RAPGEF2: variants seen among roughly 807,000 people sequenced by gnomAD.
RAPGEF2 encodes Rap guanine nucleotide exchange factor 2, also known as PDZ domain containing guanine nucleotide exchange factor (GEF) 1.
In RAPGEF2, 54 loss-of-function variants were observed where a neutral mutation model predicts 186.7. That is an observed-to-expected ratio of 0.29 (90% CI 0.23 to 0.36). RAPGEF2 has a LOEUF of 0.36. Ranked by LOEUF, RAPGEF2 falls within the 10% of genes least tolerant of loss-of-function variation. The pLI is 1.00. For synonymous variants in RAPGEF2, 712 were observed against 705.9 expected, an observed-to-expected ratio of 1.01 and a Z score of -0.14; for missense variants, 1,532 against 2,045.0, an observed-to-expected ratio of 0.75 and a Z score of 4.84.
intron 7 of RAPGEF2, among the ~76,000 whole-genome samples, chr4:159,253,518 TTA>T (rs1317321229): frequency 6.6e-6 from 1 of 152,252 alleles, no homozygotes; most frequent in Non-Finnish European, 1.5e-5. Flanking sequence ...CAAAATTCTT[TTA>T]GTTGAAACTT....
intron 7 of RAPGEF2, among the ~76,000 whole-genome samples, chr4:159,284,069 G>GA (rs1760098119): frequency 6.6e-6 from 1 of 152,140 alleles, no homozygotes; most frequent in Admixed American, 6.5e-5. Context: ...TTTAATTTAA[G>GA]AAAAATGACC....
At chr4:159,135,721 TCCTG>T (rs1741647659) in intron 1 of RAPGEF2, among the ~76,000 whole-genome samples, 2 of 152,150 alleles carry the variant, frequency 1.3e-5, no homozygotes, top group Non-Finnish European at 2.9e-5. Context: ...AGCCTCAGCC[TCCTG>T]AGTAGCTGGG....
intron 8 of RAPGEF2, among the ~76,000 whole-genome samples, chr4:159,306,800 G>A (rs1763354529): frequency 6.6e-6 from 1 of 152,128 alleles, no homozygotes; most frequent in Non-Finnish European, 1.5e-5. Context: ...CATACTGAGT[G>A]TGACAAAAGG....
At chr4:159,223,139 A>AT (rs1037772159) in intron 4 of RAPGEF2, among the ~76,000 whole-genome samples, 8 of 149,322 alleles carry the variant, frequency 5.4e-5, no homozygotes, top group Admixed American at 6.6e-5. Context: ...ATCTGCAGTT[A>AT]TTTTTTATTA....
intron 7 of RAPGEF2, among the ~76,000 whole-genome samples, chr4:159,273,641 T>TTTCTTTCTTC (rs1758418445): frequency 9.2e-6 from 1 of 109,198 alleles, no homozygotes; most frequent in African/African-American, 3.7e-5. Context: ...TTTCTTTCTT[T>TTTCTTTCTTC]CTTTCTTTCT....
At chr4:159,188,709 A>G (rs993254862) in intron 2 of RAPGEF2, among the ~76,000 whole-genome samples, 2 of 152,010 alleles carry the variant, frequency 1.3e-5, no homozygotes, top group African/African-American at 4.8e-5. Context: ...GTATAAAAAT[A>G]CTAATGAAGT....
chr4:159,237,040 AG>A (rs1753348778), intron 4 of RAPGEF2, among the ~76,000 whole-genome samples: 1 of 152,180 alleles, frequency 6.6e-6, no homozygotes, highest in South Asian at 2.1e-4. Context: ...CTTCTTTTCA[AG>A]ACAGGGTTTT....
chr4:159,321,595 G>A (rs929196351), intron 9 of RAPGEF2, among the ~76,000 whole-genome samples: 9 of 152,154 alleles, frequency 5.9e-5, no homozygotes, highest in Non-Finnish European at 1.3e-4. Context: ...ACAGAGCCAT[G>A]GTGAGGAGTA....
chr4:159,154,528 C>A (rs73860451), intron 1 of RAPGEF2, among the ~76,000 whole-genome samples: 3,625 of 135,666 alleles, frequency 0.027, 153 homozygotes, highest in African/African-American at 0.093. Context: ...TTAAAAAAAA[C>A]AACCACCAAA....
chr4:159,355,844 C>A lies in RAPGEF2; in HGVS notation c.4652-9C>A, dbSNP rs1200950642. 6.5e-7 allele frequency: 1 copy of A among 1,538,062 alleles called. No individual in the cohort carries two copies. Among genetic ancestry groups the A allele is most frequent in the Non-Finnish European group, 8.8e-7 (1 of 1,138,186 alleles). ...AGTTTTTAATGCTGGTGCATTGTTTCTACTCTAGCACGAAAGGAGGGCAGG... is the reference window on the plus strand; with the variant it reads ...AGTTTTTAATGCTGGTGCATTGTTTATACTCTAGCACGAAAGGAGGGCAGG... On this transcript the variant is annotated splice_polypyrimidine_tract_variant and intron_variant, in intron 28 of 29. Transcript: ENST00000691494.
intron 1 of RAPGEF2, among the ~76,000 whole-genome samples, chr4:159,175,110 G>A (rs1049110996): frequency 6.6e-6 from 1 of 152,106 alleles, no homozygotes; most frequent in Admixed American, 6.5e-5. Flanking sequence ...AGAAATATAC[G>A]AGGGCCTTAT....
intron 7 of RAPGEF2, among the ~76,000 whole-genome samples, chr4:159,278,049 G>A (rs1366226522): frequency 6.6e-6 from 1 of 152,128 alleles, no homozygotes; most frequent in African/African-American, 2.4e-5. Flanking sequence ...TATTGCCTAG[G>A]TTTTCTTCTA....
intron 7 of RAPGEF2, chr4:159,268,206 G>A (rs1002501159): frequency 1.3e-6 from 2 of 1,596,562 alleles, no homozygotes; most frequent in African/African-American, 2.7e-5. Flanking sequence ...GCCAGCAGGA[G>A]AAACACTCAG....
At position 159,322,481 on chromosome 4, in the gene RAPGEF2, G is replaced by A; in HGVS notation, c.988G>A (p.Glu330Lys). ...AGTIVLNDGE[E>K]LDSWSVILNG... ...GACCATAGTGTTAAATGATGGTGAA[G>A]AGGTGAGTAACTATTCCTACCACTT... is the stretch of plus-strand genomic sequence containing the variant. The change falls in exon 10 of 30, where the codon GAG becomes AAG. Residue 330 changes from glutamate (E) to lysine (K), a missense_variant and splice_region_variant. Glu to Lys is a moderately conservative substitution (Grantham distance 56). Coordinates refer to ENST00000691494, the MANE Select transcript of RAPGEF2 (RefSeq NM_001394067.2). 1 of 1,613,218 alleles carries A rather than the reference G, an allele frequency of 6.2e-7. No homozygotes were observed. Among genetic ancestry groups the A allele is most frequent in the Non-Finnish European group, 8.5e-7 (1 of 1,179,388 alleles).
intron 7 of RAPGEF2, among the ~76,000 whole-genome samples, chr4:159,251,449 CA>C (rs1204509476): frequency 2.0e-5 from 3 of 152,252 alleles, no homozygotes; most frequent in African/African-American, 7.2e-5. Context: ...ATGTACCAAT[CA>C]GCACTCTGTG....
chr4:159,110,295 T>C (rs1046100468), intron 1 of RAPGEF2, among the ~76,000 whole-genome samples: 1 of 152,210 alleles, frequency 6.6e-6, no homozygotes, highest in South Asian at 2.1e-4. Context: ...GTTAATCATA[T>C]AGTTAAACTA....
intron 11 of RAPGEF2, chr4:159,326,696 C>T (rs1247276650): frequency 2.0e-5 from 3 of 152,228 alleles, no homozygotes; most frequent in African/African-American, 7.2e-5. Flanking sequence ...GATATACACA[C>T]CCTATGATAC....
chr4:159,201,396 A>G (rs1174807017), intron 3 of RAPGEF2, among the ~76,000 whole-genome samples: 1 of 152,252 alleles, frequency 6.6e-6, no homozygotes, highest in African/African-American at 2.4e-5. Context: ...GTTCAGCCCA[A>G]CAATAGTAGC....
At chr4:159,186,596 C>G (rs754088693) in intron 1 of RAPGEF2, 46 bp from the exon 2 acceptor site, 1 of 1,062,074 alleles carries the variant, frequency 9.4e-7, no homozygotes, top group South Asian at 1.7e-5. Context: ...TTAGAAACCC[C>G]TTTTCCTGAC....
Sources: gnomAD v4.1 joint callset for allele counts (sites outside exome capture counted in the v4.1 genomes callset) on GRCh38, gnomAD v4.1.1 for gene constraint, MANE v1.5 for transcripts, NCBI Gene and HGNC (gene_info 2026-07-23, HGNC 2026-07-21) for gene names.